The following GOLGA7 variants were observed in gnomAD, a reference collection of about 807,000 sequenced individuals.
GOLGA7 encodes golgin subfamily A member 7.
A neutral mutation model predicts 21.1 loss-of-function variants in GOLGA7; 10 were observed. The ratio of observed to expected loss-of-function variants is 0.47; its 90% CI spans 0.29 to 0.80. GOLGA7 has a LOEUF of 0.80. Ranked by LOEUF, GOLGA7 falls within the 30% of genes least tolerant of loss-of-function variation. The pLI, the probability that GOLGA7 is intolerant of heterozygous loss-of-function variation, is 0.08. For missense variants in GOLGA7, 114 were observed against 166.8 expected (o/e 0.68, Z 1.74); for synonymous variants, 64 against 62.6 (o/e 1.02, Z -0.10).
intron 1 of GOLGA7, among the ~76,000 whole-genome samples, chr8:41,491,924 G>T (rs752691976): frequency 3.3e-5 from 5 of 152,166 alleles, no homozygotes; most frequent in Non-Finnish European, 7.3e-5. Context: ...CTTGGGTGTG[G>T]GACTGAGAGA....
chr8:41,505,172 A>T (rs1374379037), intron 2 of GOLGA7, among the ~76,000 whole-genome samples: 1 of 152,218 alleles, frequency 6.6e-6, no homozygotes, highest in Non-Finnish European at 1.5e-5. Context: ...AATTTCCAGA[A>T]GTTCCTTTGT....
chr8:41,490,552 T>A, upstream of GOLGA7: 1 of 388,372 alleles, frequency 2.6e-6, no homozygotes, highest in Non-Finnish European at 4.7e-6. Flanking sequence ...GGGAAGAGGC[T>A]TTTTGCGGCA....
At chr8:41,504,132 A>AAAAC (rs1554540022) in intron 2 of GOLGA7, among the ~76,000 whole-genome samples, 6 of 131,112 alleles carry the variant, frequency 4.6e-5, no homozygotes, top group East Asian at 2.0e-4. Context: ...AAAAAAAAAA[A>AAAAC]AAAACAAAAC....
At chr8:41,508,174 T>C (rs1227130011) in intron 4 of GOLGA7, among the ~76,000 whole-genome samples, 1 of 152,216 alleles carries the variant, frequency 6.6e-6, no homozygotes, top group Non-Finnish European at 1.5e-5. Context: ...GTACTTCCTC[T>C]CAGTACTTGC....
intron 2 of GOLGA7, among the ~76,000 whole-genome samples, chr8:41,497,999 T>C (rs1183294306): frequency 6.6e-6 from 1 of 152,196 alleles, no homozygotes; most frequent in Non-Finnish European, 1.5e-5. Flanking sequence ...GAGTTCTTAC[T>C]TTCTCTTTCC....
Position 41,505,928 on chromosome 8 carries a change from C to G in GOLGA7, c.282C>G (p.Ser94=). Residue 94 remains serine (S), a synonymous_variant, in exon 3 of 5, where the codon TCC becomes TCG. Transcript: ENST00000357743. The part of the protein sequence containing the change: ...THYEKVLKKV[S]KYIQEQNEKI... The stretch of plus-strand genomic sequence containing the variant: ...TCTGTCAGGTTCTGAAGAAAGTCTC[C>G]AAATACATTCAAGAGCAGAATGAGA... 6.3e-7 allele frequency: 1 copy of G among 1,584,138 alleles called. No individual in the cohort carries two copies. Among genetic ancestry groups the G allele is most frequent in the Non-Finnish European group, 8.6e-7 (1 of 1,157,078 alleles).
intron 2 of GOLGA7, among the ~76,000 whole-genome samples, chr8:41,504,221 A>G (rs1806228085): frequency 6.6e-6 from 1 of 152,042 alleles, no homozygotes; most frequent in East Asian, 1.9e-4. Flanking sequence ...TTTGCTCGTA[A>G]CCTGTACTCG....
chr8:41,506,899 A>G, intron 3 of GOLGA7, 160 bp from the exon 4 acceptor site: 2 of 650,310 alleles, frequency 3.1e-6, no homozygotes, highest in South Asian at 1.8e-5. Context: ...TAAAATTTTC[A>G]GCAAATTGGA....
chr8:41,500,261 A>G (rs1194093579), intron 2 of GOLGA7, among the ~76,000 whole-genome samples: 1 of 152,266 alleles, frequency 6.6e-6, no homozygotes, highest in Non-Finnish European at 1.5e-5. Flanking sequence ...CTTGAAAATA[A>G]TAAGCGGGAC....
At chr8:41,509,125 G>A (rs1806359683) in intron 4 of GOLGA7, among the ~76,000 whole-genome samples, 1 of 152,128 alleles carries the variant, frequency 6.6e-6, no homozygotes, top group African/African-American at 2.4e-5. Context: ...TATATAAAAT[G>A]GAATACATGA....
intron 2 of GOLGA7, among the ~76,000 whole-genome samples, chr8:41,504,437 T>C (rs1806233191): frequency 6.6e-6 from 1 of 152,198 alleles, no homozygotes; most frequent in African/African-American, 2.4e-5. Context: ...CTTCCTTCTA[T>C]TCATTATTTT....
In GOLGA7 at chr8:41,507,049, T is replaced by TG; in HGVS notation, c.367-9dup. On this transcript the variant is annotated splice_polypyrimidine_tract_variant and intron_variant, in intron 3 of 4. Coordinates refer to ENST00000357743, the MANE Select transcript of GOLGA7 (RefSeq NM_001002296.2). ...CTGTAGTGTGTTTTCTTAACAGCCA[T>TG]GCTGTTTAGATTGAAATTACCATTT... The TG allele has an allele frequency of 7.9e-7, 1 of 1,271,820 alleles. No homozygotes were observed. Among genetic ancestry groups the TG allele is most frequent in the Non-Finnish European group, 1.2e-6 (1 of 867,304 alleles). 78.8% of individuals were successfully genotyped at this position (1,271,820 alleles called of 1,614,324 possible). A position where few individuals can be genotyped will look rare whatever the true frequency, so the allele number is the denominator to read the frequency against.
At chr8:41,494,970 C>T (rs1354132143) in intron 1 of GOLGA7, among the ~76,000 whole-genome samples, 1 of 151,792 alleles carries the variant, frequency 6.6e-6, no homozygotes, top group Non-Finnish European at 1.5e-5. Context: ...CTTTGGGAGG[C>T]CAGGGGGGTG....
intron 4 of GOLGA7, among the ~76,000 whole-genome samples, 198 bp downstream of exon 4, chr8:41,507,319 G>A (rs1345420019): frequency 2.0e-5 from 3 of 152,292 alleles, no homozygotes; most frequent in African/African-American, 4.8e-5. Flanking sequence ...TGGTGATAGA[G>A]AATTTAATTC....
rs1373089608 is a variant in GOLGA7 at position 41,510,216 on chromosome 8, A to G, written c.*648A>G. The G allele has an allele frequency of 3.3e-5, 5 of 152,610 alleles. No individual in the cohort carries two copies. Among genetic ancestry groups the G allele is most frequent in the African/African-American group, 4.8e-5 (2 of 41,452 alleles). 9.5% of individuals were successfully genotyped at this position (152,610 alleles called of 1,614,324 possible). On this transcript the variant is annotated 3_prime_UTR_variant, in exon 5 of 5. Transcript: ENST00000357743. Reference sequence around the variant, plus strand: ...AGCAATTATGCCTAATTAAAGCAGTATTTAATGCAATTTCCAGTTATTTCT... The same window carrying G: ...AGCAATTATGCCTAATTAAAGCAGTGTTTAATGCAATTTCCAGTTATTTCT...
chr8:41,506,356 T>C (rs1487261363), intron 3 of GOLGA7, among the ~76,000 whole-genome samples: 1 of 152,092 alleles, frequency 6.6e-6, no homozygotes, highest in African/African-American at 2.4e-5. Flanking sequence ...ATGGATAAAC[T>C]CATAATGTGT....
rs1020031796 is a variant in GOLGA7 at position 41,499,491 on chromosome 8, G to T, written c.264+1830G>T. The stretch of plus-strand genomic sequence containing the variant: ...TGGAAGTAGCTCTCAGCAGATGGGG[G>T]AGCCAGAAGGGAGATAGTTTTCCCC... On this transcript the variant is annotated intron_variant, in intron 2 of 4. Transcript: ENST00000357743. Among the ~76,000 whole-genome samples, 4 of 152,276 alleles carry T rather than the reference G, an allele frequency of 2.6e-5. No individual in the cohort carries two copies. In the Middle Eastern group the frequency reaches 0.01, roughly 388 times the overall value.
Position 41,510,108 on chromosome 8 carries a change from A to C in GOLGA7, c.*540A>C, listed in dbSNP as rs1255459133. On this transcript the variant is annotated 3_prime_UTR_variant, in exon 5 of 5. Coordinates refer to ENST00000357743, the MANE Select transcript of GOLGA7 (RefSeq NM_001002296.2). ...AATTACTGGTTTTACCATGACTCAA[A>C]TCTTAAGATCTGTTTCTACTATTCA... 1 of 152,594 alleles carries C rather than the reference A, an allele frequency of 6.6e-6. No homozygotes were observed. The highest frequency in any genetic ancestry group is 2.4e-5 in the African/African-American group (1 of 41,448). The allele number at this position is 152,594 out of a possible 1,614,324, so 9.5% of individuals were successfully genotyped here. A position where few individuals can be genotyped will look rare whatever the true frequency, so the allele number is the denominator to read the frequency against.
intron 1 of GOLGA7, among the ~76,000 whole-genome samples, chr8:41,493,812 T>C (rs1239508405): frequency 1.3e-5 from 2 of 152,242 alleles, no homozygotes; most frequent in African/African-American, 4.8e-5. Flanking sequence ...AAATTTTATT[T>C]GGCTGTGACT....
Sources: allele counts gnomAD v4.1 joint callset (sites outside exome capture counted in the v4.1 genomes callset), GRCh38; gene constraint gnomAD v4.1.1; transcripts MANE v1.5; gene names NCBI Gene and HGNC (gene_info 2026-07-23, HGNC 2026-07-21).